The following RAD54L variants were observed in gnomAD, a reference collection of about 807,000 sequenced individuals.
RAD54L encodes DNA repair and recombination protein RAD54-like.
A neutral mutation model predicts 91.6 loss-of-function variants in RAD54L; 74 were observed. That is an observed-to-expected ratio of 0.81 (90% CI 0.67 to 0.98). The LOEUF (loss-of-function observed/expected upper bound fraction) is 0.98. RAD54L is among the 50% of genes least tolerant of loss of function. RAD54L has a pLI of 0.00. For missense variants in RAD54L, 887 were observed against 945.7 expected (o/e 0.94, Z 0.81); for synonymous variants, 304 against 349.7 (o/e 0.87, Z 1.46).
chr1:46,275,366 T>G (rs1569619111), intron 16 of RAD54L, among the ~76,000 whole-genome samples: 2 of 152,226 alleles, frequency 1.3e-5, no homozygotes, highest in East Asian at 1.9e-4. Context: ...GTCATTCTAC[T>G]TTCACTTCTT....
At position 46,278,168 on chromosome 1, in the gene RAD54L, T is replaced by G. The variant is rs1397177158; in HGVS notation, c.2130T>G (p.Thr710=). The part of the protein sequence containing the change: ...TSDLAGWNHC[T]DKWGLRDEVL... ...ACCTGGCAGGGTGGAACCACTGCAC[T>G]GATAAGTGGGGGCTCCGGGATGAGG... The change falls in exon 18 of 18, where the codon ACT becomes ACG. Residue 710 remains threonine, a synonymous_variant. Coordinates refer to ENST00000371975, the MANE Select transcript of RAD54L (RefSeq NM_003579.4). 6.2e-7 allele frequency: 1 copy of G among 1,613,840 alleles called. No individual in the cohort carries two copies.
chr1:46,273,701 T>C lies in RAD54L; in HGVS notation c.1564T>C (p.Tyr522His), dbSNP rs1660506392. 6.2e-7 allele frequency: 1 copy of C among 1,613,476 alleles called. No individual in the cohort carries two copies. Among genetic ancestry groups the C allele is most frequent in the Non-Finnish European group, 8.5e-7 (1 of 1,179,762 alleles). ...SSDKVVLVSN[Y>H]TQTLDLFEKL... The stretch of plus-strand genomic sequence containing the variant: ...TGACAAAGTAGTGCTGGTGTCGAAT[T>C]ACACCCAGACTTTGGATCTCTTTGA... The change falls in exon 14 of 18, where the codon TAC (tyrosine) becomes CAC (histidine). Residue 522 changes from tyrosine to histidine, a missense_variant. Coordinates refer to ENST00000371975, the MANE Select transcript of RAD54L (RefSeq NM_003579.4).
chr1:46,253,415 T>G (rs947342041), intron 3 of RAD54L, among the ~76,000 whole-genome samples: 1 of 152,106 alleles, frequency 6.6e-6, no homozygotes, highest in African/African-American at 2.4e-5. Context: ...AGATCGGAGA[T>G]TGAGACCATC....
chr1:46,259,669 G>A (rs1407459468), intron 4 of RAD54L, among the ~76,000 whole-genome samples: 1 of 151,966 alleles, frequency 6.6e-6, no homozygotes, highest in Non-Finnish European at 1.5e-5. Flanking sequence ...CCAGCTTCTT[G>A]GGAGGCTGAG....
At position 46,262,778 on chromosome 1, in the gene RAD54L, A is replaced by G. The variant is rs190105461; in HGVS notation, c.891+1393A>G. On this transcript the variant is annotated intron_variant, in intron 8 of 17. Transcript: ENST00000371975. ...AGGAAAGACATTTTTTTGCTTGACT[A>G]GTTCCCAAGCTTAGCTTTTCCCTTT... 9.5e-4 allele frequency among the ~76,000 whole-genome samples: 145 copies of G among 152,178 alleles called. 1 individual carries two copies. The highest frequency in any genetic ancestry group is 6.8e-3 in the Middle Eastern group (2 of 294).
chr1:46,249,962 G>A, intron 2 of RAD54L, 38 bp from the exon 3 acceptor site: 1 of 1,610,600 alleles, frequency 6.2e-7, no homozygotes, highest in Non-Finnish European at 8.5e-7. Flanking sequence ...GATTTCTGTG[G>A]TCTTCTAGAC....
At chr1:46,271,838 G>A (rs145110508) in intron 10 of RAD54L, among the ~76,000 whole-genome samples, 3 of 152,130 alleles carry the variant, frequency 2.0e-5, no homozygotes, top group African/African-American at 7.2e-5. Flanking sequence ...TAAGGACTTA[G>A]TAATTTACAA....
At chr1:46,270,490 T>G (rs1027994744) in intron 9 of RAD54L, among the ~76,000 whole-genome samples, 169 bp from the exon 10 acceptor site, 5 of 151,298 alleles carry the variant, frequency 3.3e-5, no homozygotes, top group African/African-American at 1.2e-4. Flanking sequence ...TTTCAAGTCT[T>G]CACTGCTTTG....
chr1:46,267,378 C>T, intron 8 of RAD54L, 81 bp from the exon 9 acceptor site: 5 of 1,594,442 alleles, frequency 3.1e-6, no homozygotes, highest in Non-Finnish European at 4.3e-6. Flanking sequence ...ATGTTTTTGA[C>T]TCCTCTTTTC....
chr1:46,274,910 T>C (rs1208873163), intron 16 of RAD54L, among the ~76,000 whole-genome samples, 193 bp downstream of exon 16: 2 of 152,202 alleles, frequency 1.3e-5, no homozygotes, highest in South Asian at 4.1e-4. Context: ...CCATTCTTAC[T>C]GTGCCATCTG....
intron 17 of RAD54L, 30 bp downstream of exon 17, chr1:46,278,010 A>G: frequency 1.2e-6 from 2 of 1,614,180 alleles, no homozygotes; most frequent in Non-Finnish European, 1.7e-6. Flanking sequence ...ATTATCTCTA[A>G]GCTACCCACA....
rs200157085 is a variant in RAD54L at position 46,267,415 on chromosome 1, A to G, written c.892-44A>G. The stretch of plus-strand genomic sequence containing the variant: ...TGTCTACATGAGACTTTGCTACCGT[A>G]TAGGGAATGCCACATTGCGCTCTGA... On this transcript the variant is annotated intron_variant, in intron 8 of 17. Coordinates refer to ENST00000371975, the MANE Select transcript of RAD54L (RefSeq NM_003579.4). The G allele has an allele frequency of 4.6e-5, 74 of 1,612,458 alleles. No individual in the cohort carries two copies. The African/African-American group carries it at 9.2e-4, about 20-fold the overall frequency.
chr1:46,264,840 G>T (rs1304799572), intron 8 of RAD54L, among the ~76,000 whole-genome samples: 1 of 152,202 alleles, frequency 6.6e-6, no homozygotes, highest in Middle Eastern at 3.2e-3. Context: ...CCTTGGGTAT[G>T]GAAGGGTTGT....
chr1:46,278,299 G>C lies in RAD54L; in HGVS notation c.*17G>C, dbSNP rs2148309457. Reference sequence around the variant, plus strand: ...CTCCGCTGATAACCAGCTGGTCTGGGTGTAGCTCTTAGAGGAAGGAGATAG... The same window carrying C: ...CTCCGCTGATAACCAGCTGGTCTGGCTGTAGCTCTTAGAGGAAGGAGATAG... On this transcript the variant is annotated 3_prime_UTR_variant, in exon 18 of 18. Coordinates refer to ENST00000371975, the MANE Select transcript of RAD54L (RefSeq NM_003579.4). The C allele has an allele frequency of 6.2e-7, 1 of 1,603,022 alleles. No homozygotes were observed. The highest frequency in any genetic ancestry group is 2.2e-5 in the East Asian group (1 of 44,532).
At chr1:46,271,314 T>A (rs1281790209) in intron 10 of RAD54L, among the ~76,000 whole-genome samples, 1 of 152,190 alleles carries the variant, frequency 6.6e-6, no homozygotes, top group Non-Finnish European at 1.5e-5. Flanking sequence ...AGAGTCCTCC[T>A]GCCCTTCCCA....
rs377132922 is a variant in RAD54L at position 46,278,166 on chromosome 1, A to T, written c.2128A>T (p.Thr710Ser). Residue 710 changes from threonine (T) to serine (S), a missense_variant, in exon 18 of 18, where the codon ACT (threonine) becomes TCT (serine). Coordinates refer to ENST00000371975, the MANE Select transcript of RAD54L (RefSeq NM_003579.4). The stretch of plus-strand genomic sequence containing the variant: ...AGACCTGGCAGGGTGGAACCACTGC[A>T]CTGATAAGTGGGGGCTCCGGGATGA... ...TSDLAGWNHC[T>S]DKWGLRDEVL... is the part of the protein sequence containing the mutation. The T allele has an allele frequency of 6.2e-7, 1 of 1,613,810 alleles. No homozygotes were observed. The highest frequency in any genetic ancestry group is 8.5e-7 in the Non-Finnish European group (1 of 1,179,890).
At chr1:46,249,261 TGTGTGAATAAGG>T (rs1659736233) in intron 2 of RAD54L, among the ~76,000 whole-genome samples, 1 of 152,180 alleles carries the variant, frequency 6.6e-6, no homozygotes, top group Non-Finnish European at 1.5e-5. Flanking sequence ...GCAGGAGCAG[TGTGTGAATAAGG>T]TGTGGGGTAG....
At chr1:46,271,672 G>C (rs1660430508) in intron 10 of RAD54L, among the ~76,000 whole-genome samples, 1 of 152,042 alleles carries the variant, frequency 6.6e-6, no homozygotes, top group African/African-American at 2.4e-5. Context: ...AAAAAAATTA[G>C]ATGGCAGGAA....
chr1:46,271,638 CAG>C (rs1404351033), intron 10 of RAD54L, among the ~76,000 whole-genome samples: 2 of 151,456 alleles, frequency 1.3e-5, no homozygotes, highest in Non-Finnish European at 2.9e-5. Flanking sequence ...GCCTGGGTGA[CAG>C]AGCAAGACTC....
Sources: gnomAD v4.1 joint callset for allele counts (sites outside exome capture counted in the v4.1 genomes callset) on GRCh38, gnomAD v4.1.1 for gene constraint, MANE v1.5 for transcripts, NCBI Gene and HGNC (gene_info 2026-07-23, HGNC 2026-07-21) for gene names.